MND1: variants seen among roughly 807,000 people sequenced by gnomAD.
MND1 encodes the protein meiotic nuclear divisions 1.
In MND1, 28 loss-of-function variants were observed where a neutral mutation model predicts 35.1. That is an observed-to-expected ratio of 0.80 (90% CI 0.59 to 1.09). The LOEUF is 1.09. Among genes scored for constraint, MND1 ranks in the 50% least tolerant of loss-of-function variants. The pLI, the probability that MND1 is intolerant of heterozygous loss-of-function variation, is 0.00. For synonymous variants in MND1, 69 were observed against 70.5 expected, an observed-to-expected ratio of 0.98 and a Z score of 0.11; for missense variants, 213 against 239.6, an observed-to-expected ratio of 0.89 and a Z score of 0.73.
intron 2 of MND1, among the ~76,000 whole-genome samples, chr4:153,351,051 T>C (rs934986227): frequency 2.0e-5 from 3 of 151,810 alleles, no homozygotes; most frequent in African/African-American, 7.3e-5. Context: ...CAGGGTGTCA[T>C]ATTATGATGA....
intron 4 of MND1, among the ~76,000 whole-genome samples, chr4:153,382,906 T>C (rs1334115328): frequency 6.6e-6 from 1 of 152,212 alleles, no homozygotes; most frequent in Non-Finnish European, 1.5e-5. Context: ...TGAGAAACTT[T>C]CAGCCTAGAC....
At chr4:153,399,045 A>G (rs1040490087) in intron 6 of MND1, among the ~76,000 whole-genome samples, 13 of 152,228 alleles carry the variant, frequency 8.5e-5, no homozygotes, top group African/African-American at 3.1e-4. Context: ...ATTTATTTTC[A>G]GGATAGCATG....
intron 4 of MND1, among the ~76,000 whole-genome samples, chr4:153,366,410 G>A (rs577916257): frequency 1.2e-4 from 18 of 152,306 alleles, no homozygotes; most frequent in South Asian, 8.3e-4. Context: ...AGATAGGGAA[G>A]ACTGCAAGAG....
Position 153,404,112 on chromosome 4 carries a change from A to G in MND1, c.467-4859A>G, listed in dbSNP as rs1214748392. ...CCCATGTGTTGGACTTACTAGACAA[A>G]GACACTTTAAATATATTCAAAGAGA... On this transcript the variant is annotated intron_variant, in intron 6 of 7. Transcript: ENST00000240488. 2.0e-5 allele frequency among the ~76,000 whole-genome samples: 3 copies of G among 152,082 alleles called. No homozygotes were observed. The South Asian group carries it at 6.2e-4, about 32-fold the overall frequency.
intron 1 of MND1, chr4:153,345,491 G>A: frequency 3.0e-6 from 3 of 985,466 alleles, no homozygotes; most frequent in Non-Finnish European, 3.6e-6. Context: ...CGTGGGTCAT[G>A]ATCAGTTAAG....
intron 5 of MND1, 129 bp downstream of exon 5, chr4:153,394,465 G>A (rs1482100350): frequency 1.1e-5 from 7 of 610,082 alleles, no homozygotes; most frequent in African/African-American, 1.9e-5. Context: ...GGATAGGAAC[G>A]TTTGACCTGG....
At chr4:153,363,472 A>G (rs911189974) in intron 4 of MND1, among the ~76,000 whole-genome samples, 4 of 152,134 alleles carry the variant, frequency 2.6e-5, no homozygotes, top group African/African-American at 9.7e-5. Flanking sequence ...TCGGCCTCCC[A>G]AAGTGCTAGG....
At chr4:153,375,495 G>A (rs1195291775) in intron 4 of MND1, among the ~76,000 whole-genome samples, 1 of 152,030 alleles carries the variant, frequency 6.6e-6, no homozygotes, top group African/African-American at 2.4e-5. Flanking sequence ...AAGCTTTAAA[G>A]CAGATTACAT....
Position 153,414,820 on chromosome 4 carries a change from C to A in MND1, c.581C>A (p.Thr194Asn). 1 of 1,559,054 alleles carries A rather than the reference C, an allele frequency of 6.4e-7. No individual in the cohort carries two copies. Among genetic ancestry groups the A allele is most frequent in the Non-Finnish European group, 8.7e-7 (1 of 1,146,644 alleles). ...FGFEENKIDRTFGIPEDFDYI... is the reference protein window; with the variant it reads ...FGFEENKIDRNFGIPEDFDYI... ...TTTGAAGAAAATAAAATTGATAGAA[C>A]TTTTGGAATTCCAGAAGACTTTGAC... is the stretch of plus-strand genomic sequence containing the variant. Residue 194 changes from threonine (T) to asparagine (N), a missense_variant, in exon 8 of 8, where the codon ACT becomes AAT. By Grantham distance (65) the Thr-to-Asn change is moderately conservative. Transcript: ENST00000240488.
intron 4 of MND1, among the ~76,000 whole-genome samples, chr4:153,389,911 A>G (rs559972956): frequency 2.6e-5 from 4 of 152,252 alleles, no homozygotes; most frequent in South Asian, 2.1e-4. Flanking sequence ...GGTGTCCCCA[A>G]CTAGCAGCAT....
chr4:153,394,214 A>G (rs371907075), intron 4 of MND1, 48 bp from the exon 5 acceptor site: 23 of 1,560,164 alleles, frequency 1.5e-5, no homozygotes, highest in South Asian at 3.4e-5. Flanking sequence ...CAACTACTAC[A>G]TGTCAGTTTA....
chr4:153,367,934 G>A (rs1579913324), intron 4 of MND1, among the ~76,000 whole-genome samples: 2 of 152,248 alleles, frequency 1.3e-5, no homozygotes, highest in East Asian at 3.9e-4. Context: ...GATGACTGGT[G>A]ATGTTGAGCA....
intron 4 of MND1, among the ~76,000 whole-genome samples, chr4:153,390,172 G>A (rs1728980901): frequency 6.6e-6 from 1 of 152,146 alleles, no homozygotes; most frequent in African/African-American, 2.4e-5. Context: ...TATGGCAGTA[G>A]TGCAGTTGTA....
chr4:153,401,834 C>T (rs939233772), intron 6 of MND1, among the ~76,000 whole-genome samples: 2 of 152,070 alleles, frequency 1.3e-5, no homozygotes, highest in Non-Finnish European at 2.9e-5. Context: ...TCACTAACAC[C>T]CATGAGAAAT....
intron 1 of MND1, among the ~76,000 whole-genome samples, chr4:153,348,937 A>G (rs1038703549): frequency 7.2e-5 from 11 of 152,192 alleles, no homozygotes; most frequent in Non-Finnish European, 2.9e-5. Flanking sequence ...TTTTGGTTGG[A>G]TGGGGCAGTC....
intron 4 of MND1, among the ~76,000 whole-genome samples, chr4:153,375,508 A>G (rs1165163533): frequency 6.6e-6 from 1 of 152,098 alleles, no homozygotes; most frequent in Non-Finnish European, 1.5e-5. Context: ...GATTACATTT[A>G]GTGGATAGTT....
intron 3 of MND1, 57 bp from the exon 4 acceptor site, chr4:153,358,417 C>T (rs1176297402): frequency 1.4e-6 from 2 of 1,410,238 alleles, no homozygotes; most frequent in Admixed American, 2.4e-5. Context: ...GTTATTTGTC[C>T]TTTAATTTTA....
At chr4:153,380,410 C>T (rs1356346500) in intron 4 of MND1, among the ~76,000 whole-genome samples, 2 of 152,190 alleles carry the variant, frequency 1.3e-5, no homozygotes, top group East Asian at 3.8e-4. Context: ...GAACTGTCTT[C>T]TTGGACATCT....
chr4:153,388,334 A>G (rs1480875742), intron 4 of MND1, among the ~76,000 whole-genome samples: 1 of 152,170 alleles, frequency 6.6e-6, no homozygotes, highest in Non-Finnish European at 1.5e-5. Context: ...TACAATAAAA[A>G]TTAAAAATTA....
Sources: gnomAD v4.1 joint callset for allele counts (sites outside exome capture counted in the v4.1 genomes callset) on GRCh38, gnomAD v4.1.1 for gene constraint, MANE v1.5 for transcripts, NCBI Gene and HGNC (gene_info 2026-07-23, HGNC 2026-07-21) for gene names.